SAMMSON: variants seen among roughly 807,000 people sequenced by gnomAD.
The protein encoded by SAMMSON is survival associated mitochondrial melanoma specific oncogenic non-coding RNA.
At chr3:70,323,953 A>G (rs1285481879) in intron 7 of SAMMSON, among the ~76,000 whole-genome samples, 1 of 152,040 alleles carries the variant, frequency 6.6e-6, no homozygotes, top group Non-Finnish European at 1.5e-5. Flanking sequence ...GTCCAAACTC[A>G]TGGGTTCTAC....
chr3:70,088,364 G>A (rs1386810796), intron 4 of SAMMSON, among the ~76,000 whole-genome samples: 1 of 152,128 alleles, frequency 6.6e-6, no homozygotes, highest in Non-Finnish European at 1.5e-5. Flanking sequence ...GACAGAGAGT[G>A]GATTAAGGGA....
chr3:70,033,355 G>T (rs909624020), intron 3 of SAMMSON, among the ~76,000 whole-genome samples: 1 of 152,096 alleles, frequency 6.6e-6, no homozygotes, highest in African/African-American at 2.4e-5. Flanking sequence ...TGGCATTTCA[G>T]CTGGGGAAGA....
chr3:70,164,622 C>T (rs2067629331), intron 4 of SAMMSON, among the ~76,000 whole-genome samples: 1 of 151,914 alleles, frequency 6.6e-6, no homozygotes, highest in African/African-American at 2.4e-5. Flanking sequence ...GTGTTCTGTC[C>T]GTGAGCTCCA....
intron 4 of SAMMSON, among the ~76,000 whole-genome samples, chr3:70,118,745 A>T (rs1419743501): frequency 2.6e-5 from 4 of 152,174 alleles, no homozygotes; most frequent in African/African-American, 7.2e-5. Flanking sequence ...AATATGTCTC[A>T]GTTAAACAAC....
intron 4 of SAMMSON, among the ~76,000 whole-genome samples, chr3:70,149,013 A>G (rs1256876364): frequency 6.6e-6 from 1 of 152,078 alleles, no homozygotes; most frequent in Non-Finnish European, 1.5e-5. Flanking sequence ...TGTGCAGCAC[A>G]TTGCGTCGCT....
chr3:70,013,033 T>A (rs1196204127), intron 2 of SAMMSON, among the ~76,000 whole-genome samples: 2 of 152,164 alleles, frequency 1.3e-5, no homozygotes, highest in African/African-American at 4.8e-5. Context: ...ACTTGCTGTG[T>A]CATTTTAAGC....
chr3:70,067,500 C>T (rs2067214504), intron 3 of SAMMSON, among the ~76,000 whole-genome samples: 1 of 151,976 alleles, frequency 6.6e-6, no homozygotes, highest in African/African-American at 2.4e-5. Flanking sequence ...CTCCACCTCG[C>T]CCCCACTTGG....
intron 2 of SAMMSON, among the ~76,000 whole-genome samples, chr3:70,410,129 C>G (rs571395167): frequency 8.5e-5 from 13 of 152,328 alleles, no homozygotes; most frequent in Middle Eastern, 6.8e-3. Flanking sequence ...CTAAACTATT[C>G]TCCATCTGGA....
At chr3:70,414,359 G>C (rs747850680) in intron 2 of SAMMSON, among the ~76,000 whole-genome samples, 2 of 152,054 alleles carry the variant, frequency 1.3e-5, no homozygotes. Context: ...ATTAATTTTA[G>C]AGTAAGAGGA....
intron 4 of SAMMSON, among the ~76,000 whole-genome samples, chr3:70,092,896 G>A (rs1021025107): frequency 1.5e-4 from 13 of 85,160 alleles, no homozygotes; most frequent in Admixed American, 1.4e-4. Flanking sequence ...GTTGTCTAGT[G>A]TTTTTGTTTT....
intron 4 of SAMMSON, among the ~76,000 whole-genome samples, chr3:70,093,624 A>G: frequency 6.6e-6 from 1 of 152,110 alleles, no homozygotes; most frequent in East Asian, 1.9e-4. Context: ...CCAGCTGGAT[A>G]CAAGGGTGGG....
chr3:70,041,357 A>G (rs929502175), intron 3 of SAMMSON, among the ~76,000 whole-genome samples: 4 of 152,154 alleles, frequency 2.6e-5, no homozygotes, highest in Non-Finnish European at 5.9e-5. Context: ...GGGAAATCAC[A>G]TAGTGTCTGC....
intron 6 of SAMMSON, among the ~76,000 whole-genome samples, chr3:70,291,026 C>T (rs150702567): frequency 2.6e-5 from 4 of 152,346 alleles, no homozygotes; most frequent in African/African-American, 7.2e-5. Context: ...TCTTCTGCTT[C>T]GCTCACGCTG....
intron 3 of SAMMSON, chr3:70,014,858 T>A (rs977776442): frequency 6.6e-6 from 1 of 152,196 alleles, no homozygotes; most frequent in African/African-American, 2.4e-5. Context: ...CTCTGTGTCC[T>A]GAACACAGAG....
chr3:70,021,247 A>T (rs1338186563), intron 3 of SAMMSON, among the ~76,000 whole-genome samples: 1 of 152,180 alleles, frequency 6.6e-6, no homozygotes, highest in Non-Finnish European at 1.5e-5. Flanking sequence ...AATTAGTGTA[A>T]TGAGTTCTCA....
At chr3:70,429,145 A>G (rs1701393847) in intron 2 of SAMMSON, among the ~76,000 whole-genome samples, 1 of 152,062 alleles carries the variant, frequency 6.6e-6, no homozygotes, top group Admixed American at 6.6e-5. Flanking sequence ...TTTTTGTATA[A>G]GGTATAAGAA....
At chr3:70,373,426 T>C (rs914421035) in intron 9 of SAMMSON, among the ~76,000 whole-genome samples, 3 of 152,222 alleles carry the variant, frequency 2.0e-5, no homozygotes, top group African/African-American at 4.8e-5. Context: ...GAAGTTTGAC[T>C]GTAATATGTC....
intron 4 of SAMMSON, among the ~76,000 whole-genome samples, chr3:70,145,767 A>G (rs2067546504): frequency 6.6e-6 from 1 of 152,046 alleles, no homozygotes; most frequent in African/African-American, 2.4e-5. Context: ...CAAAGAATTA[A>G]TCTTACCTTC....
chr3:70,430,823 C>T (rs1281144232), intron 2 of SAMMSON, among the ~76,000 whole-genome samples: 1 of 152,034 alleles, frequency 6.6e-6, no homozygotes, highest in Non-Finnish European at 1.5e-5. Flanking sequence ...GCATTTGTGC[C>T]TCAATTGCAA....
Sources: allele counts gnomAD v4.1 joint callset (sites outside exome capture counted in the v4.1 genomes callset), GRCh38; gene constraint gnomAD v4.1.1; transcripts MANE v1.5; gene names NCBI Gene and HGNC (gene_info 2026-07-23, HGNC 2026-07-21).